Variants in CCSER1 observed in about 807,000 individuals in gnomAD.
CCSER1 encodes serine-rich coiled-coil domain-containing protein 1.
Under a neutral mutation model 82.0 loss-of-function variants are expected in CCSER1, and 41 were observed. The observed-to-expected ratio is 0.50, with a 90% CI of 0.39 to 0.65. CCSER1 has a LOEUF of 0.65. Ranked by LOEUF, CCSER1 falls within the 30% of genes least tolerant of loss-of-function variation. The pLI is 0.00. For synonymous variants in CCSER1, 414 were observed against 383.9 expected, an observed-to-expected ratio of 1.08 and a Z score of -0.92; for missense variants, 1,119 against 1,064.2, an observed-to-expected ratio of 1.05 and a Z score of -0.72.
At chr4:91,584,512 A>G (rs1286190888) in intron 10 of CCSER1, among the ~76,000 whole-genome samples, 1 of 151,524 alleles carries the variant, frequency 6.6e-6, no homozygotes, top group East Asian at 1.9e-4. Context: ...ACTTTTCTAA[A>G]TAAAAATATC....
chr4:90,148,560 A>G (rs1648809472), intron 1 of CCSER1, among the ~76,000 whole-genome samples: 3 of 152,208 alleles, frequency 2.0e-5, no homozygotes, highest in Admixed American at 2.0e-4. Context: ...AGAGAGAAGG[A>G]TCAGAGAGAT....
chr4:91,322,060 A>G (rs1032936262), intron 10 of CCSER1, among the ~76,000 whole-genome samples: 20 of 152,134 alleles, frequency 1.3e-4, no homozygotes, highest in African/African-American at 4.3e-4. Flanking sequence ...TATCGGATGA[A>G]TGAATGAATT....
intron 10 of CCSER1, among the ~76,000 whole-genome samples, chr4:91,246,360 G>A (rs192837079): frequency 7.2e-5 from 11 of 152,118 alleles, no homozygotes; most frequent in East Asian, 1.9e-4. Flanking sequence ...ATTGAGAAAC[G>A]TACAACAGAT....
At chr4:90,583,042 G>A (rs1781582047) in intron 5 of CCSER1, among the ~76,000 whole-genome samples, 1 of 151,966 alleles carries the variant, frequency 6.6e-6, no homozygotes, top group Non-Finnish European at 1.5e-5. Flanking sequence ...TTTCACTGGG[G>A]TTAATATTTC....
intron 3 of CCSER1, among the ~76,000 whole-genome samples, chr4:90,356,016 T>G (rs966859053): frequency 2.0e-5 from 3 of 151,924 alleles, no homozygotes; most frequent in Non-Finnish European, 4.4e-5. Flanking sequence ...ATCATTATAT[T>G]TAGAAATTTT....
chr4:90,818,124 A>G (rs565788109), intron 8 of CCSER1, among the ~76,000 whole-genome samples: 1 of 152,292 alleles, frequency 6.6e-6, no homozygotes, highest in Non-Finnish European at 1.5e-5. Context: ...AATTGTACCA[A>G]GAAAGGCTTT....
At chr4:91,194,121 C>T (rs1175871641) in intron 10 of CCSER1, among the ~76,000 whole-genome samples, 1 of 152,152 alleles carries the variant, frequency 6.6e-6, no homozygotes, top group Non-Finnish European at 1.5e-5. Context: ...AGGCATGCAC[C>T]ACCACACCGA....
At chr4:91,525,554 A>G (rs949808604) in intron 10 of CCSER1, among the ~76,000 whole-genome samples, 6 of 152,144 alleles carry the variant, frequency 3.9e-5, no homozygotes, top group Non-Finnish European at 7.4e-5. Flanking sequence ...GAGAGTGTAC[A>G]CTATGTCTCA....
chr4:90,207,153 G>A (rs1241808147), intron 1 of CCSER1, among the ~76,000 whole-genome samples: 1 of 152,048 alleles, frequency 6.6e-6, no homozygotes, highest in Non-Finnish European at 1.5e-5. Flanking sequence ...TTGCCGGTCT[G>A]TGTCTTTTAA....
chr4:91,426,485 C>A (rs1045702895), intron 10 of CCSER1, among the ~76,000 whole-genome samples: 1 of 151,444 alleles, frequency 6.6e-6, no homozygotes, highest in African/African-American at 2.4e-5. Context: ...AATGGTTGAA[C>A]TGATTTACAT....
intron 4 of CCSER1, among the ~76,000 whole-genome samples, chr4:90,407,742 C>T: frequency 6.6e-6 from 1 of 152,152 alleles, no homozygotes; most frequent in East Asian, 1.9e-4. Flanking sequence ...GCATTTCCAA[C>T]TGAGGTACTG....
chr4:90,474,632 G>T (rs965909395), intron 5 of CCSER1, among the ~76,000 whole-genome samples: 1 of 152,122 alleles, frequency 6.6e-6, no homozygotes, highest in Non-Finnish European at 1.5e-5. Flanking sequence ...CTATAAATGA[G>T]GACTTTCCTC....
Position 90,551,706 on chromosome 4 carries a change from C to CTCTCTCTCTCTCTA in CCSER1, c.1725-76318_1725-76317insCTCTCTCTCTCTAT. ...TCTCTCTCTCTCTCTCTCTCTCTCT[C>CTCTCTCTCTCTCTA]TATATATATATATATATATATGTAA... On this transcript the variant is annotated intron_variant, in intron 5 of 10. Coordinates refer to ENST00000509176, the MANE Select transcript of CCSER1 (RefSeq NM_001145065.2). Among the ~76,000 whole-genome samples, 180 of 104,218 alleles carry CTCTCTCTCTCTCTA rather than the reference C, an allele frequency of 1.7e-3. 1 individual carries two copies. Among genetic ancestry groups the CTCTCTCTCTCTCTA allele is most frequent in the African/African-American group, 3.9e-3 (85 of 21,924 alleles). 68.4% of individuals were successfully genotyped at this position (104,218 alleles called of 152,430 possible).
At chr4:91,456,559 T>C (rs1355740997) in intron 10 of CCSER1, among the ~76,000 whole-genome samples, 1 of 152,134 alleles carries the variant, frequency 6.6e-6, no homozygotes. Context: ...CTGTTCTCTT[T>C]TTTTAAGTTT....
At chr4:90,464,997 C>T (rs1361907579) in intron 4 of CCSER1, among the ~76,000 whole-genome samples, 1 of 152,202 alleles carries the variant, frequency 6.6e-6, no homozygotes, top group African/African-American at 2.4e-5. Context: ...CGGGGTCTCG[C>T]CCTGTGGCCA....
At position 90,992,531 on chromosome 4, in the gene CCSER1, T is replaced by C. The variant is rs547554403; in HGVS notation, c.2172+69084T>C. Among the ~76,000 whole-genome samples the C allele has an allele frequency of 2.6e-5, 4 of 152,168 alleles. No homozygotes were observed. The South Asian group carries it at 6.2e-4, about 24-fold the overall frequency. On this transcript the variant is annotated intron_variant, in intron 9 of 10. Coordinates refer to ENST00000509176, the MANE Select transcript of CCSER1 (RefSeq NM_001145065.2). ...TAAAATATGGCTTAGCTAGGTCTTC[T>C]GCTTAGTGTATCACAAGACTGAGAT...
At chr4:91,048,307 C>T (rs1395346095) in intron 9 of CCSER1, among the ~76,000 whole-genome samples, 2 of 151,784 alleles carry the variant, frequency 1.3e-5, no homozygotes, top group Admixed American at 6.6e-5. Flanking sequence ...ATATCAATAA[C>T]AACTAAACAA....
At chr4:91,167,705 A>G (rs1475007040) in intron 10 of CCSER1, among the ~76,000 whole-genome samples, 1 of 152,256 alleles carries the variant, frequency 6.6e-6, no homozygotes, top group African/African-American at 2.4e-5. Context: ...ACTGTGGCTC[A>G]GGGAATATAT....
chr4:90,228,563 C>T (rs1342309070), intron 1 of CCSER1, among the ~76,000 whole-genome samples: 2 of 152,128 alleles, frequency 1.3e-5, no homozygotes, highest in East Asian at 3.9e-4. Context: ...ACGCAGAGCG[C>T]CTCTCCTCCT....
Sources: allele counts gnomAD v4.1 joint callset (sites outside exome capture counted in the v4.1 genomes callset), GRCh38; gene constraint gnomAD v4.1.1; transcripts MANE v1.5; gene names NCBI Gene and HGNC (gene_info 2026-07-23, HGNC 2026-07-21).